Variants in SCHIP1 observed in about 807,000 individuals in gnomAD.
SCHIP1 encodes the protein schwannomin-interacting protein 1.
SCHIP1 carries 8 observed loss-of-function variants against 29.7 expected under a neutral mutation model. The ratio of observed to expected loss-of-function variants is 0.27; its 90% confidence interval spans 0.16 to 0.49. The LOEUF (loss-of-function observed/expected upper bound fraction) is 0.49. SCHIP1 is among the 20% of genes least tolerant of loss of function. SCHIP1 has a pLI of 0.99. For synonymous variants in SCHIP1, 76 were observed against 94.9 expected (o/e 0.80, Z 1.16); for missense variants, 193 against 294.6 (o/e 0.66, Z 2.52).
At chr3:159,612,568 G>A in the SCHIP1 span, among the ~76,000 whole-genome samples, 5 of 152,154 alleles carry the variant, frequency 3.3e-5, no homozygotes, top group African/African-American at 1.2e-4. Flanking sequence ...CCAACATGGC[G>A]AAACTCCGTC....
chr3:159,694,451 G>A, the SCHIP1 span, among the ~76,000 whole-genome samples: 26 of 151,632 alleles, frequency 1.7e-4, no homozygotes, highest in African/African-American at 6.0e-4. Context: ...ACTGTGAGAC[G>A]GAGGTTACAG....
At chr3:159,484,690 C>A in the SCHIP1 span, among the ~76,000 whole-genome samples, 1 of 152,004 alleles carries the variant, frequency 6.6e-6, no homozygotes, top group Non-Finnish European at 1.5e-5. Flanking sequence ...GAAAAAAAAA[C>A]CTGCATAAAC....
the SCHIP1 span, among the ~76,000 whole-genome samples, chr3:159,781,175 GTTAT>G: frequency 6.6e-6 from 1 of 152,058 alleles, no homozygotes; most frequent in African/African-American, 2.4e-5. Context: ...TGGAGCAAGA[GTTAT>G]TTATTTATTT....
At chr3:159,789,903 G>A in the SCHIP1 span, among the ~76,000 whole-genome samples, 7 of 152,256 alleles carry the variant, frequency 4.6e-5, no homozygotes, top group African/African-American at 1.7e-4. Context: ...AGCCTGGGAG[G>A]GGCAGTCCAT....
intron 1 of SCHIP1, among the ~76,000 whole-genome samples, chr3:159,847,152 G>A (rs1711953593): frequency 6.6e-6 from 1 of 152,188 alleles, no homozygotes; most frequent in African/African-American, 2.4e-5. Flanking sequence ...AAGGATGGTG[G>A]TGATGGGGGG....
chr3:159,854,175 A>G lies in SCHIP1; in HGVS notation c.31-11988A>G, dbSNP rs141985721. ...CATGAAGAATAAAATCCCTTCCATC[A>G]TGGGCCTGGAAATGAAGACCTCTTT... On this transcript the variant is annotated intron_variant, in intron 1 of 6. Transcript: ENST00000445224. Among the ~76,000 whole-genome samples, 249 of 152,328 alleles carry G rather than the reference A, an allele frequency of 1.6e-3. 3 individuals are homozygous for G. The highest frequency in any genetic ancestry group is 5.6e-3 in the African/African-American group (232 of 41,560).
chr3:159,517,235 G>A, the SCHIP1 span, among the ~76,000 whole-genome samples: 102 of 152,158 alleles, frequency 6.7e-4, no homozygotes, highest in East Asian at 1.2e-3. Context: ...ATACTGAGAC[G>A]AGCAATAATC....
At chr3:159,287,268 A>G in the SCHIP1 span, among the ~76,000 whole-genome samples, 1 of 151,640 alleles carries the variant, frequency 6.6e-6, no homozygotes, top group Non-Finnish European at 1.5e-5. Flanking sequence ...ATTTTTAACT[A>G]TTGTTTATAC....
At chr3:159,504,460 A>G in the SCHIP1 span, among the ~76,000 whole-genome samples, 1 of 152,252 alleles carries the variant, frequency 6.6e-6, no homozygotes, top group Non-Finnish European at 1.5e-5. Flanking sequence ...TTAAAACACC[A>G]GAAATGATAG....
At chr3:159,707,001 A>G in the SCHIP1 span, among the ~76,000 whole-genome samples, 1 of 152,246 alleles carries the variant, frequency 6.6e-6, no homozygotes, top group Non-Finnish European at 1.5e-5. Context: ...AAAATGAGAC[A>G]TGGCCTCTCT....
the SCHIP1 span, among the ~76,000 whole-genome samples, chr3:159,691,486 T>G: frequency 6.6e-6 from 1 of 151,180 alleles, no homozygotes; most frequent in African/African-American, 2.4e-5. Context: ...TTTGAGCCTA[T>G]GTGTATCTTT....
chr3:159,450,566 T>C, the SCHIP1 span, among the ~76,000 whole-genome samples: 1 of 152,238 alleles, frequency 6.6e-6, no homozygotes, highest in East Asian at 1.9e-4. Context: ...TATATAGTGG[T>C]GAAACAGCCT....
the SCHIP1 span, among the ~76,000 whole-genome samples, chr3:159,663,756 A>T: frequency 2.0e-5 from 3 of 152,170 alleles, no homozygotes; most frequent in Non-Finnish European, 4.4e-5. Flanking sequence ...TTTTTCCTAG[A>T]TGGACAAGCC....
chr3:159,813,217 GT>G, the SCHIP1 span, among the ~76,000 whole-genome samples: 19,431 of 151,642 alleles, frequency 0.13, 1,466 homozygotes, highest in Middle Eastern at 0.29. Flanking sequence ...ACTGGCTCTA[GT>G]TTTTTTTTAC....
At chr3:159,556,924 A>G in the SCHIP1 span, among the ~76,000 whole-genome samples, 1 of 151,490 alleles carries the variant, frequency 6.6e-6, no homozygotes, top group East Asian at 1.9e-4. Flanking sequence ...TAATAATAAT[A>G]AAATAAAATA....
the SCHIP1 span, among the ~76,000 whole-genome samples, chr3:159,801,606 A>G: frequency 3.9e-5 from 6 of 152,164 alleles, no homozygotes; most frequent in African/African-American, 1.4e-4. Flanking sequence ...TACTTCTTAA[A>G]TTAAGTACAA....
chr3:159,427,467 T>A, the SCHIP1 span, among the ~76,000 whole-genome samples: 1 of 151,654 alleles, frequency 6.6e-6, no homozygotes, highest in South Asian at 2.1e-4. Flanking sequence ...GAGAATAAAA[T>A]ACCTAGGAAT....
the SCHIP1 span, among the ~76,000 whole-genome samples, chr3:159,771,769 G>C: frequency 6.6e-6 from 1 of 151,306 alleles, no homozygotes; most frequent in East Asian, 1.9e-4. Context: ...TATACCATTA[G>C]TTCTGGGGCT....
chr3:159,369,052 G>A, the SCHIP1 span, among the ~76,000 whole-genome samples: 3 of 152,162 alleles, frequency 2.0e-5, no homozygotes, highest in African/African-American at 7.2e-5. Context: ...CTGGGGCTAG[G>A]TCATGGCCTG....
Sources: allele counts gnomAD v4.1 joint callset (sites outside exome capture counted in the v4.1 genomes callset), GRCh38; gene constraint gnomAD v4.1.1; transcripts MANE v1.5; gene names NCBI Gene and HGNC (gene_info 2026-07-23, HGNC 2026-07-21).